Variants in ATL2 observed in about 807,000 individuals in gnomAD.
ATL2 encodes the protein atlastin GTPase 2, also known as atlastin-2.
A neutral mutation model predicts 73.9 loss-of-function variants in ATL2; 31 were observed. The ratio of observed to expected loss-of-function variants is 0.42; its 90% CI spans 0.32 to 0.57. The LOEUF (loss-of-function observed/expected upper bound fraction) is 0.57. Among genes scored for constraint, ATL2 ranks in the 20% least tolerant of loss-of-function variants. The pLI, the probability that ATL2 is intolerant of heterozygous loss-of-function variation, is 0.14. For missense variants in ATL2, 738 were observed against 702.6 expected, an observed-to-expected ratio of 1.05 and a Z score of -0.57; for synonymous variants, 291 against 237.5, an observed-to-expected ratio of 1.23 and a Z score of -2.07.
At chr2:38,311,154 A>G (rs1667737904) in intron 7 of ATL2, among the ~76,000 whole-genome samples, 1 of 152,170 alleles carries the variant, frequency 6.6e-6, no homozygotes, top group Non-Finnish European at 1.5e-5. Flanking sequence ...CTACAAATAA[A>G]AAGTTTAGCC....
chr2:38,373,968 G>C (rs112557054), intron 1 of ATL2, among the ~76,000 whole-genome samples: 18,737 of 151,998 alleles, frequency 0.12, 3,389 homozygotes, highest in African/African-American at 0.4. Context: ...CTCGGCTCAC[G>C]GCAACCTCCA....
At position 38,376,360 on chromosome 2, in the gene ATL2, A is replaced by C. The variant is rs1006629627; in HGVS notation, c.118+783T>G. On this transcript the variant is annotated intron_variant, in intron 1 of 12. Transcript: ENST00000378954. ...GTACAGTAGGAGCTCACATTCAGCAAAACCAGGGAGCCAAGGATCAGGTGA... is the reference window on the plus strand; with the variant it reads ...GTACAGTAGGAGCTCACATTCAGCACAACCAGGGAGCCAAGGATCAGGTGA... 17 of 783,366 alleles carry C rather than the reference A, an allele frequency of 2.2e-5. No homozygotes were observed. The South Asian group carries it at 5.6e-4, about 26-fold the overall frequency. 48.5% of individuals were successfully genotyped at this position (783,366 alleles called of 1,614,324 possible). A position where few individuals can be genotyped will look rare whatever the true frequency, so the allele number is the denominator to read the frequency against.
Position 38,343,495 on chromosome 2 carries a change from C to A in ATL2, c.136G>T (p.Asp46Tyr). Residue 46 changes from aspartate (D) to tyrosine (Y), a missense_variant, in exon 2 of 13, where the codon GAT becomes TAT. By Grantham distance (160) the Asp-to-Tyr change is radical. Coordinates refer to ENST00000378954, the MANE Select transcript of ATL2 (RefSeq NM_001135673.4). Reference protein sequence around the residue: ...TTSLGENYEDDDLVNSDEVMK... With the variant: ...TTSLGENYEDYDLVNSDEVMK... ...ACCTCATCAGAATTTACTAGGTCAT[C>A]ATCTTCATAATTCTCACCTAGAATT... 6.2e-7 allele frequency: 1 copy of A among 1,604,966 alleles called. No homozygotes were observed. Among genetic ancestry groups the A allele is most frequent in the South Asian group, 1.1e-5 (1 of 89,998 alleles).
chr2:38,337,562 T>C (rs1275456054), intron 2 of ATL2, among the ~76,000 whole-genome samples: 2 of 132,834 alleles, frequency 1.5e-5, no homozygotes, highest in Admixed American at 7.8e-5. Context: ...AAGACATTAA[T>C]ATTAAGGGAT....
chr2:38,363,607 T>C (rs1374888936), intron 1 of ATL2, among the ~76,000 whole-genome samples: 1 of 152,196 alleles, frequency 6.6e-6, no homozygotes, highest in East Asian at 1.9e-4. Context: ...GATAAGCACA[T>C]ATATTTAAAT....
At chr2:38,316,625 C>T (rs1477601728) in intron 4 of ATL2, among the ~76,000 whole-genome samples, 1 of 152,002 alleles carries the variant, frequency 6.6e-6, no homozygotes, top group African/African-American at 2.4e-5. Context: ...GTTATTTATA[C>T]TTTACAAAGC....
intron 1 of ATL2, among the ~76,000 whole-genome samples, chr2:38,351,914 C>G (rs190162650): frequency 1.1e-3 from 167 of 151,814 alleles, no homozygotes; most frequent in African/African-American, 3.7e-3. Context: ...GAGTTTGAGA[C>G]CAGCCTGGCC....
chr2:38,374,162 G>A (rs1008629740), intron 1 of ATL2, among the ~76,000 whole-genome samples: 2 of 152,174 alleles, frequency 1.3e-5, no homozygotes, highest in Non-Finnish European at 2.9e-5. Flanking sequence ...AAAGTGCTGG[G>A]ATTACAGGCG....
intron 2 of ATL2, among the ~76,000 whole-genome samples, chr2:38,326,921 G>A (rs1477301750): frequency 5.9e-5 from 9 of 152,118 alleles, no homozygotes; most frequent in Non-Finnish European, 1.3e-4. Flanking sequence ...CCAGAAGGCA[G>A]AGGTTGCAGT....
At chr2:38,372,432 A>C (rs1671743855) in intron 1 of ATL2, among the ~76,000 whole-genome samples, 1 of 152,158 alleles carries the variant, frequency 6.6e-6, no homozygotes, top group Non-Finnish European at 1.5e-5. Context: ...CAAATACTAT[A>C]CCATGTTCCA....
intron 2 of ATL2, among the ~76,000 whole-genome samples, chr2:38,338,862 T>C (rs567636414): frequency 6.6e-6 from 1 of 152,240 alleles, no homozygotes; most frequent in African/African-American, 2.4e-5. Flanking sequence ...AGTCTAACCA[T>C]GACAGAAATG....
At chr2:38,370,363 C>G (rs1573600675) in intron 1 of ATL2, among the ~76,000 whole-genome samples, 1 of 139,762 alleles carries the variant, frequency 7.2e-6, no homozygotes, top group Non-Finnish European at 1.5e-5. Context: ...GCAAGAGAAT[C>G]ACTTGAACCT....
At chr2:38,341,901 C>A (rs1669743078) in intron 2 of ATL2, among the ~76,000 whole-genome samples, 1 of 152,102 alleles carries the variant, frequency 6.6e-6, no homozygotes, top group Non-Finnish European at 1.5e-5. Flanking sequence ...AGGTGAGCAC[C>A]CTGACAGGTG....
intron 12 of ATL2, 93 bp from the exon 13 acceptor site, chr2:38,296,206 T>C (rs1202751658): frequency 1.4e-6 from 2 of 1,431,836 alleles, no homozygotes; most frequent in African/African-American, 1.4e-5. Flanking sequence ...TTCAAAGCAA[T>C]GATGAAAATA....
chr2:38,364,236 T>A (rs1039375758), intron 1 of ATL2, among the ~76,000 whole-genome samples: 4 of 152,128 alleles, frequency 2.6e-5, no homozygotes, highest in African/African-American at 9.7e-5. Flanking sequence ...CACTCCAGCC[T>A]GGGCAACAGA....
intron 2 of ATL2, among the ~76,000 whole-genome samples, chr2:38,340,018 A>G (rs1196342382): frequency 6.6e-6 from 1 of 152,144 alleles, no homozygotes; most frequent in Non-Finnish European, 1.5e-5. Context: ...TAAAGCAACA[A>G]AAATAACGCA....
intron 1 of ATL2, among the ~76,000 whole-genome samples, chr2:38,351,937 C>T (rs1490478661): frequency 6.6e-6 from 1 of 151,622 alleles, no homozygotes. Context: ...CATGATGAAA[C>T]TCTGTCTCTA....
intron 1 of ATL2, among the ~76,000 whole-genome samples, chr2:38,375,059 G>C (rs1671885664): frequency 6.6e-6 from 1 of 152,080 alleles, no homozygotes. Flanking sequence ...AACTTAAAAA[G>C]CCAATAAAAT....
intron 1 of ATL2, among the ~76,000 whole-genome samples, chr2:38,365,759 T>C (rs1443700171): frequency 3.3e-5 from 5 of 151,692 alleles, no homozygotes; most frequent in East Asian, 1.9e-4. Flanking sequence ...AGATCATTCC[T>C]GGGTGACAGA....
Sources: gnomAD v4.1 joint callset for allele counts (sites outside exome capture counted in the v4.1 genomes callset) on GRCh38, gnomAD v4.1.1 for gene constraint, MANE v1.5 for transcripts, NCBI Gene and HGNC (gene_info 2026-07-23, HGNC 2026-07-21) for gene names.